The following TSPAN4 variants were observed in gnomAD, a reference collection of about 807,000 sequenced individuals.
The protein encoded by TSPAN4 is tetraspanin 4, also known as tetraspanin-4.
TSPAN4 carries 38 observed loss-of-function variants against 31.5 expected under a neutral mutation model. That is an observed-to-expected ratio of 1.21 (90% confidence interval 0.93 to 1.58). TSPAN4 has a LOEUF of 1.58. Among genes scored for constraint, TSPAN4 ranks in the 40% most tolerant of loss-of-function variants. TSPAN4 has a pLI of 0.00. For missense variants in TSPAN4, 330 were observed against 317.3 expected (o/e 1.04, Z -0.30); for synonymous variants, 186 against 144.6 (o/e 1.29, Z -2.06).
chr11:847,438 G>A (rs997254098), intron 2 of TSPAN4, 138 bp downstream of exon 2: 2 of 152,164 alleles, frequency 1.3e-5, no homozygotes, highest in African/African-American at 4.8e-5. Context: ...GAGCTCCCGT[G>A]GGGAGGGGCT....
chr11:865,897 G>C lies in TSPAN4; in HGVS notation c.565-21G>C, dbSNP rs115579173. 1,776 of 1,612,994 alleles carry C rather than the reference G, an allele frequency of 1.1e-3. 23 individuals are homozygous for C. In the African/African-American group the frequency reaches 0.021, roughly 20 times the overall value. On this transcript the variant is annotated intron_variant, in intron 7 of 8. Coordinates refer to ENST00000397397, the MANE Select transcript of TSPAN4 (RefSeq NM_003271.5). ...GGACCAGCAGGCCCTGCCGTGACACGCATGACATCCCTCCCTGCAGCCGTG... is the reference window on the plus strand; with the variant it reads ...GGACCAGCAGGCCCTGCCGTGACACCCATGACATCCCTCCCTGCAGCCGTG...
chr11:857,541 TACAGGTGCCTGCCACC>T (rs1305585523), intron 3 of TSPAN4: 2 of 151,930 alleles, frequency 1.3e-5, no homozygotes, highest in African/African-American at 4.8e-5. Flanking sequence ...TAGCTGCGAC[TACAGGTGCCTGCCACC>T]ACGCCCAGCT....
chr11:862,851 C>G (rs1179147481), intron 4 of TSPAN4, 110 bp downstream of exon 4: 8 of 1,209,094 alleles, frequency 6.6e-6, no homozygotes, highest in South Asian at 1.6e-5. Context: ...GGCACCACCT[C>G]TGGGGCCGGA....
At position 865,834 on chromosome 11, in the gene TSPAN4, G is replaced by T; in HGVS notation, c.564+9G>T. ...GCACCTGGTGGAAGGCGGTGAGTGA[G>T]ACCCCCACCCTGGGGGCTGGTAGGG... On this transcript the variant is annotated intron_variant, in intron 7 of 8. Coordinates refer to ENST00000397397, the MANE Select transcript of TSPAN4 (RefSeq NM_003271.5). 6.2e-7 allele frequency: 1 copy of T among 1,612,248 alleles called. No homozygotes were observed. Among genetic ancestry groups the T allele is most frequent in the Non-Finnish European group, 8.5e-7 (1 of 1,179,668 alleles).
At chr11:843,860 G>A in intron 1 of TSPAN4, 1 of 153,274 alleles carries the variant, frequency 6.5e-6, no homozygotes, top group Non-Finnish European at 1.5e-5. Flanking sequence ...CTTTCTCAGG[G>A]CAATGCTGCG....
rs965235046 is a variant in TSPAN4, at chr11:864,525, G to A, written c.330+14G>A. 2 of 1,611,208 alleles carry A rather than the reference G, an allele frequency of 1.2e-6. No homozygotes were observed. The highest frequency in any genetic ancestry group is 1.7e-6 in the Non-Finnish European group (2 of 1,179,850). ...TACACGGACAAGGTACGGCTGCCTT[G>A]GCCGCAGGCCCAACTGCAGGGCTGG... is the stretch of plus-strand genomic sequence containing the variant. On this transcript the variant is annotated intron_variant, in intron 5 of 8. Coordinates refer to ENST00000397397, the MANE Select transcript of TSPAN4 (RefSeq NM_003271.5).
chr11:856,419 C>T (rs574135347), intron 3 of TSPAN4, among the ~76,000 whole-genome samples: 17 of 152,072 alleles, frequency 1.1e-4, no homozygotes, highest in African/African-American at 3.9e-4. Flanking sequence ...CCCCAGGCAC[C>T]GCTGACTGGA....
chr11:847,047 C>CTGGTGG (rs1478240729), intron 1 of TSPAN4, 154 bp from the exon 2 acceptor site: 2 of 152,322 alleles, frequency 1.3e-5, no homozygotes, highest in Non-Finnish European at 2.9e-5. Context: ...TTCTCCGAGT[C>CTGGTGG]TGGTGGTGTA....
chr11:858,167 A>T (rs548340699), intron 3 of TSPAN4: 10 of 152,478 alleles, frequency 6.6e-5, no homozygotes, highest in African/African-American at 2.4e-4. Context: ...TGAGTGGGCC[A>T]TTGCCTGTCC....
rs373305102 is a variant in TSPAN4 at position 864,109 on chromosome 11, CAG to C, written c.256-327_256-326del. 3.0e-4 allele frequency: 127 copies of C among 428,596 alleles called. 1 individual carries two copies. Among genetic ancestry groups the C allele is most frequent in the African/African-American group, 6.5e-4 (33 of 50,594 alleles). 26.5% of individuals were successfully genotyped at this position (428,596 alleles called of 1,614,324 possible). A position where few individuals can be genotyped will look rare whatever the true frequency, so the allele number is the denominator to read the frequency against. ...ATGGAGGTGTCCTGAAGGCAGCTGACAGGGGCTGGGGCCTCAGGAACAGGGAT... is the reference window on the plus strand; with the variant it reads ...ATGGAGGTGTCCTGAAGGCAGCTGACGGGCTGGGGCCTCAGGAACAGGGAT... On this transcript the variant is annotated intron_variant, in intron 4 of 8. Transcript: ENST00000397397.
intron 3 of TSPAN4, among the ~76,000 whole-genome samples, chr11:860,539 C>T (rs572909223): frequency 8.7e-4 from 133 of 152,290 alleles, no homozygotes; most frequent in African/African-American, 3.0e-3. Context: ...ATGGGCCCTC[C>T]GTGGGCCCTG....
At chr11:861,128 C>T (rs1848431573) in intron 3 of TSPAN4, among the ~76,000 whole-genome samples, 2 of 152,224 alleles carry the variant, frequency 1.3e-5, no homozygotes, top group Non-Finnish European at 2.9e-5. Context: ...CTAGCACCCT[C>T]TCTCTGGGCG....
At chr11:865,862 C>T (rs764162153) in intron 7 of TSPAN4, 37 bp downstream of exon 7, 1 of 1,612,600 alleles carries the variant, frequency 6.2e-7, no homozygotes, top group Non-Finnish European at 8.5e-7. Context: ...TGGTAGGGGC[C>T]TAGAGGGCGG....
chr11:858,231 GT>G (rs1371627177), intron 3 of TSPAN4: 1 of 152,658 alleles, frequency 6.6e-6, no homozygotes, highest in African/African-American at 2.4e-5. Flanking sequence ...AAAGGGGTGG[GT>G]GGGGGCGCCG....
chr11:845,920 G>C (rs552583402), intron 1 of TSPAN4, among the ~76,000 whole-genome samples: 2 of 152,286 alleles, frequency 1.3e-5, no homozygotes, highest in South Asian at 4.1e-4. Flanking sequence ...GTAGCCCCCA[G>C]TCCCTGCTCC....
At chr11:864,772 T>C (rs1006612375) in intron 5 of TSPAN4, 4 of 566,266 alleles carry the variant, frequency 7.1e-6, no homozygotes, top group Non-Finnish European at 1.3e-5. Context: ...CCCCGCCCTC[T>C]GACGCAGCGT....
rs1565131688 is a variant in TSPAN4 at position 850,329 on chromosome 11, G to A, written c.25G>A (p.Val9Ile). MARACLQA[V>I]KYLMFAFNLL... ...CATGGCGCGCGCCTGCCTCCAGGCC[G>A]TCAAGTACCTCATGTTCGCCTTCAA... The change falls in exon 3 of 9, where the codon GTC (valine) becomes ATC (isoleucine). Residue 9 changes from valine (V) to isoleucine (I), a missense_variant. By Grantham distance (29) the Val-to-Ile change is conservative. Coordinates refer to ENST00000397397, the MANE Select transcript of TSPAN4 (RefSeq NM_003271.5). 1.2e-6 allele frequency: 2 copies of A among 1,607,830 alleles called. No homozygotes were observed. The highest frequency in any genetic ancestry group is 8.5e-7 in the Non-Finnish European group (1 of 1,179,188).
chr11:848,865 C>A lies in TSPAN4; in HGVS notation c.-17-1423C>A. The A allele has an allele frequency of 1.4e-6, 1 of 698,318 alleles. No individual in the cohort carries two copies. The highest frequency in any genetic ancestry group is 2.7e-6 in the Non-Finnish European group (1 of 375,916). 43.3% of individuals were successfully genotyped at this position (698,318 alleles called of 1,614,324 possible). A position where few individuals can be genotyped will look rare whatever the true frequency, so the allele number is the denominator to read the frequency against. On this transcript the variant is annotated intron_variant, in intron 2 of 8. Coordinates refer to ENST00000397397, the MANE Select transcript of TSPAN4 (RefSeq NM_003271.5). This position sits in a 1 kb window ranked among gnomAD's most constrained non-coding sequence, Gnocchi z 5.7. ...TGGGGGCCTCTGTCCCCATCTCCGG[C>A]TGTGGGAGGTGTGTGCGCATCCGGC...
chr11:845,601 G>A (rs886824532), intron 1 of TSPAN4, among the ~76,000 whole-genome samples: 1 of 152,294 alleles, frequency 6.6e-6, no homozygotes, highest in Admixed American at 6.5e-5. Flanking sequence ...CAGGGCTGTG[G>A]TGGGATGGCA....
Sources: allele counts gnomAD v4.1 joint callset (sites outside exome capture counted in the v4.1 genomes callset), GRCh38; gene constraint gnomAD v4.1.1; non-coding constraint Gnocchi (gnomAD v3.1); transcripts MANE v1.5; gene names NCBI Gene and HGNC (gene_info 2026-07-23, HGNC 2026-07-21).